Variants in SETBP1 observed in about 807,000 individuals in gnomAD.
SETBP1 encodes SET binding protein 1, also known as SET-binding protein.
Under a neutral mutation model 101.0 loss-of-function variants are expected in SETBP1, and 9 were observed. The observed-to-expected ratio is 0.09, with a 90% CI of 0.05 to 0.16. The LOEUF is 0.16. Among genes scored for constraint, SETBP1 ranks in the 10% least tolerant of loss-of-function variants. The pLI, the probability that SETBP1 is intolerant of heterozygous loss-of-function variation, is 1.00. For missense variants in SETBP1, 1,858 were observed against 2,033.8 expected (o/e 0.91, Z 1.66); for synonymous variants, 818 against 788.5 (o/e 1.04, Z -0.63).
chr18:44,984,867 G>A (rs190397383), intron 4 of SETBP1, among the ~76,000 whole-genome samples: 80 of 152,286 alleles, frequency 5.3e-4, no homozygotes, highest in African/African-American at 1.9e-3. Context: ...TAGGCCGGAC[G>A]CAGTGGTTCA....
chr18:44,797,056 A>C (rs1368902733), intron 2 of SETBP1, among the ~76,000 whole-genome samples: 1 of 152,210 alleles, frequency 6.6e-6, no homozygotes, highest in Admixed American at 6.5e-5. Flanking sequence ...TAGCTGGGGC[A>C]CTGCACCTTA....
chr18:44,968,019 G>A (rs550631549), intron 4 of SETBP1, among the ~76,000 whole-genome samples: 6 of 151,686 alleles, frequency 4.0e-5, no homozygotes, highest in African/African-American at 1.2e-4. Context: ...AAATGCAGTG[G>A]AAAAAAAACA....
intron 2 of SETBP1, among the ~76,000 whole-genome samples, chr18:44,850,125 G>A (rs1041219748): frequency 6.6e-6 from 1 of 152,126 alleles, no homozygotes; most frequent in Non-Finnish European, 1.5e-5. Context: ...GATCTGGAAT[G>A]TTTCTTTAGC....
chr18:44,930,992 A>G (rs368734264), intron 3 of SETBP1, among the ~76,000 whole-genome samples: 2 of 151,518 alleles, frequency 1.3e-5, no homozygotes, highest in African/African-American at 4.8e-5. Context: ...TTTTGAATGT[A>G]TTTGCTCTTG....
intron 3 of SETBP1, among the ~76,000 whole-genome samples, chr18:44,927,778 G>A (rs1418827468): frequency 1.3e-5 from 2 of 152,208 alleles, no homozygotes; most frequent in Non-Finnish European, 2.9e-5. Flanking sequence ...CAAAAGGGAT[G>A]TGGGGATGAC....
chr18:44,690,956 T>C (rs1301615451), intron 1 of SETBP1, among the ~76,000 whole-genome samples: 1 of 152,202 alleles, frequency 6.6e-6, no homozygotes, highest in Admixed American at 6.5e-5. Context: ...TATTTACCTT[T>C]TTTTCCTGCA....
At chr18:44,782,317 T>A (rs1387679657) in intron 2 of SETBP1, among the ~76,000 whole-genome samples, 1 of 152,196 alleles carries the variant, frequency 6.6e-6, no homozygotes, top group Non-Finnish European at 1.5e-5. Flanking sequence ...AAACTCTTTT[T>A]TTTTTTTCCA....
intron 1 of SETBP1, among the ~76,000 whole-genome samples, chr18:44,698,861 T>G (rs1568095730): frequency 6.6e-6 from 1 of 152,212 alleles, no homozygotes; most frequent in Non-Finnish European, 1.5e-5. Context: ...TGAATTTTTT[T>G]TGTGTGGATC....
intron 3 of SETBP1, among the ~76,000 whole-genome samples, chr18:44,904,896 T>C (rs1010664852): frequency 6.6e-6 from 1 of 152,170 alleles, no homozygotes; most frequent in East Asian, 1.9e-4. Flanking sequence ...GCACATCTCT[T>C]CTGCTCACAT....
rs78990953 is a variant in SETBP1 at position 44,946,600 on chromosome 18, G to T, written c.541-3281G>T. On this transcript the variant is annotated intron_variant, in intron 3 of 5. Coordinates refer to ENST00000649279, the MANE Select transcript of SETBP1 (RefSeq NM_015559.3). The stretch of plus-strand genomic sequence containing the variant: ...CATTTCAGTGTTCCAGTTTCATTAG[G>T]AGCCATCATCAAATGACAGATTAGT... 6.3e-3 allele frequency among the ~76,000 whole-genome samples: 952 copies of T among 152,290 alleles called. 9 individuals are homozygous for T. The highest frequency in any genetic ancestry group is 0.021 in the African/African-American group (869 of 41,544).
intron 2 of SETBP1, among the ~76,000 whole-genome samples, chr18:44,713,275 A>G (rs1246362125): frequency 6.6e-6 from 1 of 151,938 alleles, no homozygotes; most frequent in East Asian, 1.9e-4. Context: ...CCCTTAATGG[A>G]ACAAAACACC....
chr18:44,845,246 T>G (rs985417345), intron 2 of SETBP1, among the ~76,000 whole-genome samples: 1 of 152,212 alleles, frequency 6.6e-6, no homozygotes, highest in African/African-American at 2.4e-5. Context: ...CTCAGTTAAA[T>G]GACGTTCCTG....
intron 4 of SETBP1, among the ~76,000 whole-genome samples, chr18:45,000,470 G>C (rs1007101910): frequency 4.7e-4 from 72 of 151,924 alleles, no homozygotes; most frequent in African/African-American, 1.4e-3. Context: ...GTAAGTGTAG[G>C]GGGAGGTTGG....
Position 44,950,364 on chromosome 18 carries a change from GTGA to G in SETBP1, c.1026_1028del (p.Ile343del), listed in dbSNP as rs752110820. 1.2e-6 allele frequency: 2 copies of G among 1,613,994 alleles called. No individual in the cohort carries two copies. The highest frequency in any genetic ancestry group is 3.3e-4 in the Middle Eastern group (2 of 6,084). On this transcript the variant is annotated inframe_deletion, in exon 4 of 6. Transcript: ENST00000649279. ...CAAGAAAAAGTCCAGTAAAAAAGATGTGATAAGTCAGACCATACCAAACCCAGA... is the reference window on the plus strand; with the variant it reads ...CAAGAAAAAGTCCAGTAAAAAAGATGTAAGTCAGACCATACCAAACCCAGA...
rs374421833 is a variant in SETBP1 at position 45,048,711 on chromosome 18, G to A, written c.4171+10056G>A. Among the ~76,000 whole-genome samples, 66 of 152,016 alleles carry A rather than the reference G, an allele frequency of 4.3e-4. No individual in the cohort carries two copies. The East Asian group carries it at 6.6e-3, about 15-fold the overall frequency. ...ATTAGGGCCGGGCGCGGTGGCTCACGCCTGTAATCCCAGCACTTTGGGAGG... is the reference window on the plus strand; with the variant it reads ...ATTAGGGCCGGGCGCGGTGGCTCACACCTGTAATCCCAGCACTTTGGGAGG... On this transcript the variant is annotated intron_variant, in intron 5 of 5. Transcript: ENST00000649279.
chr18:44,847,975 C>A (rs1297813001), intron 2 of SETBP1, among the ~76,000 whole-genome samples: 1 of 152,022 alleles, frequency 6.6e-6, no homozygotes, highest in Non-Finnish European at 1.5e-5. Flanking sequence ...AAAGCTCAAC[C>A]CTGGCTCAAC....
Position 44,894,384 on chromosome 18 carries a change from C to T in SETBP1, c.540+25101C>T, listed in dbSNP as rs574272513. The stretch of plus-strand genomic sequence containing the variant: ...GTAAACAGGGATGTGTATTCCTGAT[C>T]ATCTTACTTGGATCATTTTTTTTTT... On this transcript the variant is annotated intron_variant, in intron 3 of 5. Transcript: ENST00000649279. Among the ~76,000 whole-genome samples, 32 of 152,124 alleles carry T rather than the reference C, an allele frequency of 2.1e-4. 1 individual carries two copies. The South Asian group carries it at 6.4e-3, about 31-fold the overall frequency.
At chr18:45,036,557 G>C (rs1264258443) in intron 4 of SETBP1, among the ~76,000 whole-genome samples, 2 of 152,176 alleles carry the variant, frequency 1.3e-5, no homozygotes, top group Non-Finnish European at 2.9e-5. Context: ...CTAGTTTCTT[G>C]ATGGTTGTGC....
intron 2 of SETBP1, among the ~76,000 whole-genome samples, chr18:44,809,977 G>C (rs1477438191): frequency 6.6e-6 from 1 of 152,166 alleles, no homozygotes; most frequent in Non-Finnish European, 1.5e-5. Flanking sequence ...CCTGCAAAAG[G>C]CAAATTGTCC....
Sources: gnomAD v4.1 joint callset for allele counts (sites outside exome capture counted in the v4.1 genomes callset) on GRCh38, gnomAD v4.1.1 for gene constraint, MANE v1.5 for transcripts, NCBI Gene and HGNC (gene_info 2026-07-23, HGNC 2026-07-21) for gene names.